RALGAPA2: variants seen among roughly 807,000 people sequenced by gnomAD.
The protein encoded by RALGAPA2 is Ral GTPase activating protein catalytic subunit alpha 2.
In RALGAPA2, 139 loss-of-function variants were observed where a neutral mutation model predicts 230.4. The ratio of observed to expected loss-of-function variants is 0.60; its 90% CI spans 0.53 to 0.69. RALGAPA2 has a LOEUF of 0.69. Ranked by LOEUF, RALGAPA2 falls within the 30% of genes least tolerant of loss-of-function variation. The pLI is 0.00. For synonymous variants in RALGAPA2, 847 were observed against 837.8 expected (o/e 1.01, Z -0.19); for missense variants, 2,163 against 2,276.0 (o/e 0.95, Z 1.01).
intron 28 of RALGAPA2, 98 bp from the exon 29 acceptor site, chr20:20,524,996 C>G: frequency 9.4e-7 from 1 of 1,062,738 alleles, no homozygotes; most frequent in Non-Finnish European, 1.4e-6. Flanking sequence ...CTAAACCCAG[C>G]TTGGTGCCAA....
At chr20:20,532,705 T>A (rs2063397676) in intron 26 of RALGAPA2, among the ~76,000 whole-genome samples, 1 of 152,094 alleles carries the variant, frequency 6.6e-6, no homozygotes, top group African/African-American at 2.4e-5. Context: ...AAGATGGTAT[T>A]TAAAGGCTGA....
At position 20,505,435 on chromosome 20, in the gene RALGAPA2, G is replaced by C. The variant is rs142962992; in HGVS notation, c.5028C>G (p.Asp1676Glu). Residue 1676 changes from aspartate (D) to glutamate (E), a missense_variant, in exon 34 of 40, where the codon GAC becomes GAG. Asp to Glu is a conservative substitution (Grantham distance 45, BLOSUM62 2). Transcript: ENST00000202677. ...SNERGSQAYE[D>E]FVAGLGWEVD... ...CCTCCCATCCAAGTCCAGCAACAAAGTCTTCATATGCTTGGCTTCCTCTTT... is the reference window on the plus strand; with the variant it reads ...CCTCCCATCCAAGTCCAGCAACAAACTCTTCATATGCTTGGCTTCCTCTTT... 4.2e-4 allele frequency: 669 copies of C among 1,601,278 alleles called. 5 individuals carry two copies. The East Asian group carries it at 0.014, about 34-fold the overall frequency.
At chr20:20,680,196 G>C (rs568011708) in intron 2 of RALGAPA2, among the ~76,000 whole-genome samples, 13 of 152,202 alleles carry the variant, frequency 8.5e-5, no homozygotes, top group Non-Finnish European at 1.6e-4. Context: ...GATGTATAAT[G>C]TATACAGAAC....
At chr20:20,507,922 A>C (rs1207561483) in intron 33 of RALGAPA2, among the ~76,000 whole-genome samples, 1 of 152,234 alleles carries the variant, frequency 6.6e-6, no homozygotes, top group African/African-American at 2.4e-5. Flanking sequence ...GTCTCTCTAC[A>C]TATGTAAAAA....
chr20:20,591,167 C>T lies in RALGAPA2; in HGVS notation c.2341+10G>A, dbSNP rs1013798008. On this transcript the variant is annotated intron_variant, in intron 17 of 39. Transcript: ENST00000202677. ...ATAGTTCTGTATTAAACACTGAAGA[C>T]ATCATGTACCCTGAGAAGAATCTGA... 4 of 1,499,836 alleles carry T rather than the reference C, an allele frequency of 2.7e-6. No individual in the cohort carries two copies. The highest frequency in any genetic ancestry group is 3.3e-5 in the African/African-American group (2 of 61,448). 92.9% of individuals were successfully genotyped at this position (1,499,836 alleles called of 1,614,324 possible). A position where few individuals can be genotyped will look rare whatever the true frequency, so the allele number is the denominator to read the frequency against.
intron 13 of RALGAPA2, among the ~76,000 whole-genome samples, chr20:20,614,644 T>C (rs1038450532): frequency 6.6e-6 from 1 of 152,254 alleles, no homozygotes; most frequent in Non-Finnish European, 1.5e-5. Flanking sequence ...ATCATTTTGA[T>C]GCCTGTGGTT....
chr20:20,396,880 A>T, intron 38 of RALGAPA2, 146 bp from the exon 39 acceptor site: 1 of 687,938 alleles, frequency 1.5e-6, no homozygotes. Context: ...AAAACTGAAC[A>T]TTCACTTGAA....
chr20:20,438,942 G>C (rs745409711), intron 37 of RALGAPA2, among the ~76,000 whole-genome samples: 1 of 152,154 alleles, frequency 6.6e-6, no homozygotes, highest in Non-Finnish European at 1.5e-5. Flanking sequence ...AGCAAACTTT[G>C]GGTCACCTTT....
chr20:20,441,374 G>A (rs906069672), intron 37 of RALGAPA2, among the ~76,000 whole-genome samples: 11 of 152,200 alleles, frequency 7.2e-5, no homozygotes, highest in African/African-American at 2.2e-4. Context: ...GAAGGTGACC[G>A]GGATGAGGTG....
intron 16 of RALGAPA2, among the ~76,000 whole-genome samples, chr20:20,594,132 T>C (rs373138676): frequency 2.6e-5 from 4 of 152,202 alleles, no homozygotes; most frequent in East Asian, 1.9e-4. Flanking sequence ...TGACTATCAA[T>C]TGAGATGGTG....
At chr20:20,621,925 A>G (rs916869850) in intron 10 of RALGAPA2, among the ~76,000 whole-genome samples, 4 of 152,202 alleles carry the variant, frequency 2.6e-5, no homozygotes, top group African/African-American at 9.6e-5. Context: ...CTTGGTCTCA[A>G]GTTGCTGGCA....
At chr20:20,690,023 T>C (rs1205508679) in intron 1 of RALGAPA2, among the ~76,000 whole-genome samples, 1 of 152,170 alleles carries the variant, frequency 6.6e-6, no homozygotes, top group Non-Finnish European at 1.5e-5. Context: ...TTTTTCAGTC[T>C]AAGGTTATTT....
At chr20:20,710,736 G>A (rs1357956811) in intron 1 of RALGAPA2, among the ~76,000 whole-genome samples, 1 of 152,200 alleles carries the variant, frequency 6.6e-6, no homozygotes, top group African/African-American at 2.4e-5. Context: ...TGTACTGTGT[G>A]CTAAGAAATA....
intron 1 of RALGAPA2, among the ~76,000 whole-genome samples, chr20:20,682,022 T>C (rs1417260345): frequency 6.6e-6 from 1 of 152,222 alleles, no homozygotes; most frequent in Non-Finnish European, 1.5e-5. Context: ...TATGTGAACA[T>C]ACATATTATG....
chr20:20,604,616 A>C (rs930112214), intron 15 of RALGAPA2, among the ~76,000 whole-genome samples: 1 of 152,218 alleles, frequency 6.6e-6, no homozygotes, highest in Non-Finnish European at 1.5e-5. Flanking sequence ...TGAAGCCAAG[A>C]ATGGCTTTGA....
chr20:20,643,784 T>G (rs537315032), intron 4 of RALGAPA2, among the ~76,000 whole-genome samples: 1 of 152,258 alleles, frequency 6.6e-6, no homozygotes, highest in South Asian at 2.1e-4. Flanking sequence ...GATATTAAGG[T>G]AAGCCAAATG....
At chr20:20,545,518 A>AC in intron 24 of RALGAPA2, among the ~76,000 whole-genome samples, 1 of 152,334 alleles carries the variant, frequency 6.6e-6, no homozygotes, top group East Asian at 1.9e-4. Flanking sequence ...TTAATTTAAA[A>AC]CCAAGGGCTT....
chr20:20,540,332 CAG>C (rs1420041815), intron 24 of RALGAPA2, among the ~76,000 whole-genome samples: 1 of 152,188 alleles, frequency 6.6e-6, no homozygotes, highest in Non-Finnish European at 1.5e-5. Flanking sequence ...TATTTGAAAA[CAG>C]AATTAAAAAT....
At chr20:20,415,142 C>T (rs2060141462) in intron 37 of RALGAPA2, among the ~76,000 whole-genome samples, 1 of 152,240 alleles carries the variant, frequency 6.6e-6, no homozygotes, top group East Asian at 1.9e-4. Flanking sequence ...TATCATCTGA[C>T]ATTTTCTTAT....
Sources: gnomAD v4.1 joint callset for allele counts (sites outside exome capture counted in the v4.1 genomes callset) on GRCh38, gnomAD v4.1.1 for gene constraint, MANE v1.5 for transcripts, NCBI Gene and HGNC (gene_info 2026-07-23, HGNC 2026-07-21) for gene names.